The following POU2F3 variants were observed in gnomAD, a reference collection of about 807,000 sequenced individuals.
The protein encoded by POU2F3 is POU domain, class 2, transcription factor 3.
In POU2F3, 23 loss-of-function variants were observed where a neutral mutation model predicts 59.2. The ratio of observed to expected loss-of-function variants is 0.39; its 90% confidence interval spans 0.28 to 0.55. The LOEUF (loss-of-function observed/expected upper bound fraction) is 0.55, where lower values mean the gene tolerates loss of function less well. POU2F3 is among the 20% of genes least tolerant of loss of function. The pLI is 0.66. For missense variants in POU2F3, 473 were observed against 544.5 expected (o/e 0.87, Z 1.31); for synonymous variants, 190 against 214.6 (o/e 0.89, Z 1.00).
At chr11:120,298,202 T>C in intron 3 of POU2F3, 63 bp from the exon 4 acceptor site, 1 of 1,539,006 alleles carries the variant, frequency 6.5e-7, no homozygotes, top group Non-Finnish European at 8.8e-7. Context: ...CTTCCTGCCA[T>C]TTCCATCTCT....
chr11:120,238,154 C>T (rs952932066), upstream of POU2F3, among the ~76,000 whole-genome samples: 3 of 152,106 alleles, frequency 2.0e-5, no homozygotes, highest in African/African-American at 7.2e-5. Context: ...GCAGGAGAAT[C>T]GCTTGAACCT....
intron 2 of POU2F3, among the ~76,000 whole-genome samples, chr11:120,247,064 C>G (rs1448806512): frequency 6.6e-6 from 1 of 152,124 alleles, no homozygotes; most frequent in Non-Finnish European, 1.5e-5. Flanking sequence ...GGGAGGATTC[C>G]TTGAGCCTAG....
chr11:120,238,388 TG>T, upstream of POU2F3, among the ~76,000 whole-genome samples: 1 of 152,178 alleles, frequency 6.6e-6, no homozygotes, highest in Non-Finnish European at 1.5e-5. Context: ...CTGGGGCCAC[TG>T]TAGCACCCAC....
chr11:120,288,128 CAAA>C, intron 3 of POU2F3, among the ~76,000 whole-genome samples: 5 of 63,334 alleles, frequency 7.9e-5, no homozygotes, highest in African/African-American at 2.8e-4. Flanking sequence ...ACAAAAAAAC[CAAA>C]AAAAAAAAAA....
At chr11:120,240,608 G>A (rs1021545338) in intron 1 of POU2F3, among the ~76,000 whole-genome samples, 3 of 152,040 alleles carry the variant, frequency 2.0e-5, no homozygotes, top group Non-Finnish European at 2.9e-5. Context: ...AAGGGCGGGA[G>A]GGCTTCGAAG....
At position 120,318,505 on chromosome 11, in the gene POU2F3, C is replaced by G; in HGVS notation, c.*113C>G. ...TCAGAAGAGTGGAAGAAAATCTCCA[C>G]TATCAATGAACCCAGACTCTTGTCT... On this transcript the variant is annotated 3_prime_UTR_variant, in exon 13 of 13. Transcript: ENST00000543440. 1 of 1,098,204 alleles carries G rather than the reference C, an allele frequency of 9.1e-7. No homozygotes were observed. Among genetic ancestry groups the G allele is most frequent in the Non-Finnish European group, 1.4e-6 (1 of 726,364 alleles). The allele number at this position is 1,098,204 out of a possible 1,614,324, so 68.0% of individuals were successfully genotyped here.
intron 11 of POU2F3, among the ~76,000 whole-genome samples, chr11:120,315,731 T>G (rs1047710915): frequency 6.6e-6 from 1 of 152,144 alleles, no homozygotes; most frequent in African/African-American, 2.4e-5. Flanking sequence ...CTTCCCAAAG[T>G]AATACTCTAG....
chr11:120,317,156 A>AG, intron 11 of POU2F3, 73 bp from the exon 12 acceptor site: 1 of 1,563,882 alleles, frequency 6.4e-7, no homozygotes, highest in Non-Finnish European at 8.8e-7. Context: ...TTTGTGTCTG[A>AG]GGGGCTATGT....
chr11:120,309,904 A>G (rs1346941112), intron 10 of POU2F3, among the ~76,000 whole-genome samples: 1 of 152,160 alleles, frequency 6.6e-6, no homozygotes, highest in Non-Finnish European at 1.5e-5. Flanking sequence ...AAGAGCCAGT[A>G]TGCTTAAGAA....
intron 3 of POU2F3, among the ~76,000 whole-genome samples, chr11:120,284,158 G>A (rs1940690948): frequency 6.6e-6 from 1 of 151,576 alleles, no homozygotes; most frequent in African/African-American, 2.4e-5. Flanking sequence ...CAGTCTGGGT[G>A]ACAAGAGCAA....
upstream of POU2F3, among the ~76,000 whole-genome samples, chr11:120,238,827 TAAAAAAAAAAAAA>T (rs56948018): frequency 2.1e-5 from 1 of 48,338 alleles, no homozygotes; most frequent in South Asian, 9.4e-4. Flanking sequence ...AGACTCTGTC[TAAAAAAAAAAAAA>T]AAAAAAAAAA....
intron 2 of POU2F3, among the ~76,000 whole-genome samples, chr11:120,251,631 G>A (rs1438493307): frequency 6.6e-6 from 1 of 152,066 alleles, no homozygotes; most frequent in Non-Finnish European, 1.5e-5. Flanking sequence ...TGATATTCCT[G>A]CTATGAATTC....
At chr11:120,273,012 T>C (rs765659615) in intron 3 of POU2F3, among the ~76,000 whole-genome samples, 6 of 152,250 alleles carry the variant, frequency 3.9e-5, no homozygotes, top group Non-Finnish European at 7.3e-5. Flanking sequence ...CTTGCCATAA[T>C]TTGGCTGGTT....
intron 2 of POU2F3, among the ~76,000 whole-genome samples, chr11:120,252,692 A>G (rs1382869934): frequency 1.3e-5 from 2 of 152,220 alleles, no homozygotes; most frequent in Non-Finnish European, 2.9e-5. Context: ...ACCTTATCAA[A>G]TAAAGCAGCC....
intron 2 of POU2F3, among the ~76,000 whole-genome samples, chr11:120,249,270 CTT>C (rs914489631): frequency 1.3e-5 from 2 of 152,244 alleles, no homozygotes; most frequent in Admixed American, 1.3e-4. Context: ...GTTCAGTACT[CTT>C]TCCTCTTTCT....
At chr11:120,244,317 G>A (rs1178072913) in intron 1 of POU2F3, among the ~76,000 whole-genome samples, 2 of 152,222 alleles carry the variant, frequency 1.3e-5, no homozygotes, top group African/African-American at 2.4e-5. Flanking sequence ...AGGAAGGGAA[G>A]CGGACTAGCA....
intron 2 of POU2F3, among the ~76,000 whole-genome samples, chr11:120,254,398 G>A (rs1341838660): frequency 6.6e-6 from 1 of 152,180 alleles, no homozygotes; most frequent in African/African-American, 2.4e-5. Context: ...CTCTTTCAAG[G>A]CAGAATTGGG....
At chr11:120,243,239 G>A (rs1938738749) in intron 1 of POU2F3, among the ~76,000 whole-genome samples, 1 of 152,178 alleles carries the variant, frequency 6.6e-6, no homozygotes, top group Admixed American at 6.5e-5. Context: ...ATGTGCGGGA[G>A]GAGCCAGAGG....
chr11:120,299,858 C>T (rs768276679), intron 5 of POU2F3, 132 bp downstream of exon 5: 52 of 679,756 alleles, frequency 7.6e-5, no homozygotes, highest in Non-Finnish European at 1.1e-4. Flanking sequence ...TTAAGACCTA[C>T]TTATCCACCC....
Sources: gnomAD v4.1 joint callset for allele counts (sites outside exome capture counted in the v4.1 genomes callset) on GRCh38, gnomAD v4.1.1 for gene constraint, MANE v1.5 for transcripts, NCBI Gene and HGNC (gene_info 2026-07-23, HGNC 2026-07-21) for gene names.